The following MASP1 variants were observed in gnomAD, a reference collection of about 807,000 sequenced individuals.
MASP1 encodes mannan-binding lectin serine protease 1.
MASP1 carries 59 observed loss-of-function variants against 77.1 expected under a neutral mutation model. The observed-to-expected ratio is 0.77, with a 90% CI of 0.62 to 0.95. The LOEUF is 0.95. MASP1 is among the 40% of genes least tolerant of loss of function. MASP1 has a pLI of 0.00. For missense variants in MASP1, 885 were observed against 912.9 expected, an observed-to-expected ratio of 0.97 and a Z score of 0.39; for synonymous variants, 362 against 354.5, an observed-to-expected ratio of 1.02 and a Z score of -0.24.
chr3:187,291,399 G>T, intron 1 of MASP1: 1 of 616,762 alleles, frequency 1.6e-6, no homozygotes. Flanking sequence ...TCCGGAGCAG[G>T]ATTTGCACGA....
chr3:187,243,067 G>A, intron 9 of MASP1: 2 of 307,172 alleles, frequency 6.5e-6, no homozygotes, highest in Non-Finnish European at 1.3e-5. Flanking sequence ...TCTGGGTGAA[G>A]CAGTAATACT....
At chr3:187,280,813 A>G (rs1717348903) in intron 2 of MASP1, among the ~76,000 whole-genome samples, 1 of 152,224 alleles carries the variant, frequency 6.6e-6, no homozygotes, top group African/African-American at 2.4e-5. Context: ...TTCTAATACA[A>G]GCATGATGTT....
At chr3:187,284,862 C>G (rs560975463) in intron 2 of MASP1, among the ~76,000 whole-genome samples, 2 of 152,316 alleles carry the variant, frequency 1.3e-5, no homozygotes, top group African/African-American at 4.8e-5. Flanking sequence ...TGTAAAAGCA[C>G]CTTGTAAACT....
rs777410654 is a variant in MASP1 at position 187,262,619 on chromosome 3, G to A, written c.339C>T (p.Phe113=). 1 of 1,614,124 alleles carries A rather than the reference G, an allele frequency of 6.2e-7. No homozygotes were observed. Among genetic ancestry groups the A allele is most frequent in the South Asian group, 1.1e-5 (1 of 91,070 alleles). ...GQEVVLSPGS[F]MSITFRSDFS... ...AATCTGACCGGAAAGTGATGGACAT[G>A]AAGGAGCCAGGGGAGAGGACCACCT... Residue 113 remains phenylalanine, a synonymous_variant, in exon 3 of 11, where the codon TTC becomes TTT. Transcript: ENST00000296280.
At chr3:187,226,336 G>T in intron 12 of MASP1, 2 of 1,156,200 alleles carry the variant, frequency 1.7e-6, no homozygotes, top group Non-Finnish European at 2.5e-6. Flanking sequence ...GACACGCCTT[G>T]GAAAGGGCCA....
chr3:187,239,767 C>A (rs912008073), intron 10 of MASP1, among the ~76,000 whole-genome samples: 12 of 152,168 alleles, frequency 7.9e-5, no homozygotes, highest in African/African-American at 2.7e-4. Flanking sequence ...TTCCCTTATT[C>A]CACATCCTCA....
intron 13 of MASP1, chr3:187,225,202 A>C (rs1712341037): frequency 4.5e-6 from 5 of 1,111,910 alleles, no homozygotes; most frequent in African/African-American, 1.5e-5. Flanking sequence ...GAGGGGAAGC[A>C]GTTGGTGAGT....
intron 7 of MASP1, 86 bp from the exon 8 acceptor site, chr3:187,250,415 C>T (rs1406859692): frequency 5.4e-6 from 5 of 930,162 alleles, no homozygotes; most frequent in Middle Eastern, 2.8e-4. Context: ...AACTCAAGCT[C>T]CACACGTGTC....
At chr3:187,278,721 C>T (rs1259478066) in intron 2 of MASP1, among the ~76,000 whole-genome samples, 3 of 152,200 alleles carry the variant, frequency 2.0e-5, no homozygotes, top group African/African-American at 7.2e-5. Flanking sequence ...CTCCCATACG[C>T]AGCCAGTTCC....
intron 1 of MASP1, 162 bp downstream of exon 1, chr3:187,291,466 C>T (rs1020050104): frequency 1.8e-5 from 17 of 950,578 alleles, no homozygotes; most frequent in Non-Finnish European, 2.7e-5. Context: ...ACCCAGCCCA[C>T]CCACAGCTCC....
chr3:187,239,187 T>TA (rs4012004), intron 10 of MASP1, among the ~76,000 whole-genome samples: 2,267 of 123,204 alleles, frequency 0.018, 26 homozygotes, highest in African/African-American at 0.04. Context: ...TACTAAAAAT[T>TA]AAAAAAAAAA....
chr3:187,224,505 C>G (rs1414802882), intron 13 of MASP1, among the ~76,000 whole-genome samples: 1 of 151,744 alleles, frequency 6.6e-6, no homozygotes, highest in South Asian at 2.1e-4. Context: ...CGCCACTATG[C>G]CCGGCTAATT....
intron 1 of MASP1, among the ~76,000 whole-genome samples, chr3:187,287,078 C>T (rs2108613547): frequency 6.6e-6 from 1 of 152,276 alleles, no homozygotes; most frequent in East Asian, 1.9e-4. Context: ...GCTATAGCAT[C>T]CTAACTGATA....
At chr3:187,250,812 TGGCTGCAC>T (rs1325187267) in intron 7 of MASP1, among the ~76,000 whole-genome samples, 9 of 152,204 alleles carry the variant, frequency 5.9e-5, no homozygotes, top group Admixed American at 1.3e-4. Context: ...TCCTCTAGCT[TGGCTGCAC>T]CAATCACTGG....
chr3:187,226,543 C>T (rs1252047687), intron 11 of MASP1: 3 of 1,520,876 alleles, frequency 2.0e-6, no homozygotes, highest in East Asian at 4.7e-5. Context: ...ACACACGTCT[C>T]ATCGTCCTGC....
intron 13 of MASP1, chr3:187,223,331 G>C (rs907558818): frequency 1.3e-6 from 1 of 765,492 alleles, no homozygotes; most frequent in Non-Finnish European, 2.3e-6. Context: ...GTGTGGTGGG[G>C]AGGAAGACGT....
rs1319419835 is a variant in MASP1, at chr3:187,235,444, A to T, written c.*240T>A. ...GCTCCTGCATTGTATTACTCGGTAGAGTGAGGCCCAGACAGGGAAAGAGAC... is the reference window on the plus strand; with the variant it reads ...GCTCCTGCATTGTATTACTCGGTAGTGTGAGGCCCAGACAGGGAAAGAGAC... On this transcript the variant is annotated 3_prime_UTR_variant, in exon 11 of 11. Transcript: ENST00000296280. 2.7e-6 allele frequency: 4 copies of T among 1,508,502 alleles called. No homozygotes were observed. The highest frequency in any genetic ancestry group is 3.5e-6 in the Non-Finnish European group (4 of 1,130,796). 93.4% of individuals were successfully genotyped at this position (1,508,502 alleles called of 1,614,324 possible). A position where few individuals can be genotyped will look rare whatever the true frequency, so the allele number is the denominator to read the frequency against.
chr3:187,272,101 G>T (rs1716574194), intron 2 of MASP1, among the ~76,000 whole-genome samples: 4 of 152,154 alleles, frequency 2.6e-5, no homozygotes, highest in African/African-American at 7.2e-5. Context: ...GGTGTAAGTG[G>T]ATGGCTAAGG....
Position 187,234,705 on chromosome 3 carries a change from A to G in MASP1, c.*979T>C. The stretch of plus-strand genomic sequence containing the variant: ...GATTTGGGTGACTTCTAATGTGCCC[A>G]CCCCACTCTTTCTTCCATTTTCCTG... On this transcript the variant is annotated 3_prime_UTR_variant, in exon 11 of 11. Transcript: ENST00000296280. 7.8e-7 allele frequency: 1 copy of G among 1,286,950 alleles called. No individual in the cohort carries two copies. The highest frequency in any genetic ancestry group is 1.2e-5 in the South Asian group (1 of 80,910). The allele number at this position is 1,286,950 out of a possible 1,614,324, so 79.7% of individuals were successfully genotyped here.
Sources: allele counts gnomAD v4.1 joint callset (sites outside exome capture counted in the v4.1 genomes callset), GRCh38; gene constraint gnomAD v4.1.1; transcripts MANE v1.5; gene names NCBI Gene and HGNC (gene_info 2026-07-23, HGNC 2026-07-21).